The following PRM3 variants were observed in gnomAD, a reference collection of about 807,000 sequenced individuals.
The protein encoded by PRM3 is protamine-3.
For synonymous variants in PRM3, 72 were observed against 58.2 expected (o/e 1.24, Z -1.08); for missense variants, 160 against 133.1 (o/e 1.20, Z -0.99).
rs1208709945 is a variant in PRM3, at chr16:11,273,528, C to T, written c.68G>A (p.Gly23Asp). ...SPGHSPGHST[G>D]HGRGHESSMK... ...GGAGGATTCGTGGCCCCGGCCATGG[C>T]CCGTGCTGTGGCCTGGGCTGTGGCC... is the stretch of plus-strand genomic sequence containing the variant. Residue 23 changes from glycine to aspartate, a missense_variant, in exon 1 of 1, where the codon GGC (glycine) becomes GAC (aspartate). Transcript: ENST00000327157. 7 of 1,610,744 alleles carry T rather than the reference C, an allele frequency of 4.3e-6. No homozygotes were observed. The African/African-American group carries it at 8.0e-5, about 18-fold the overall frequency.
chr16:11,273,428 CTCT>C lies in PRM3; in HGVS notation c.165_167del (p.Glu59del). On this transcript the variant is annotated inframe_deletion, in exon 1 of 1. Transcript: ENST00000327157. The stretch of plus-strand genomic sequence containing the variant: ...TCTCCTCCTCTTCCCCCTCCTCCTC[CTCT>C]TCCTCCTCTTCCTCGCCCGCTGATG... 1 of 1,553,502 alleles carries C rather than the reference CTCT, an allele frequency of 6.4e-7. No individual in the cohort carries two copies. The highest frequency in any genetic ancestry group is 8.7e-7 in the Non-Finnish European group (1 of 1,149,186).
In PRM3 at chr16:11,273,393, A is replaced by C. The variant is rs917015601; in HGVS notation, c.203T>G (p.Leu68Arg). The C allele has an allele frequency of 6.5e-7, 1 of 1,547,304 alleles. No individual in the cohort carries two copies. Among genetic ancestry groups the C allele is most frequent in the African/African-American group, 1.4e-5 (1 of 73,170 alleles). ...CAGCAGCAGCTTGCCCTGCACCGGC[A>C]GCTCTTCTTTCTCCTCCTCTTCCCC... ...EEGEEEEKEE[L>R]PVQGKLLLLE... The change falls in exon 1 of 1, where the codon CTG becomes CGG. Residue 68 changes from leucine (L) to arginine (R), a missense_variant. Leu to Arg is a moderately radical substitution (Grantham distance 102). Coordinates refer to ENST00000327157, the MANE Select transcript of PRM3 (RefSeq NM_021247.3).
In PRM3 at chr16:11,273,625, G is replaced by A; in HGVS notation, c.-30C>T. On this transcript the variant is annotated 5_prime_UTR_variant, in exon 1 of 1. Coordinates refer to ENST00000327157, the MANE Select transcript of PRM3 (RefSeq NM_021247.3). ...TACGTTGCCTGTCTCTCTGGGCAAGGAGGTGAGGCGGTGGGTGAAGGGGCT... is the reference window on the plus strand; with the variant it reads ...TACGTTGCCTGTCTCTCTGGGCAAGAAGGTGAGGCGGTGGGTGAAGGGGCT... 6.4e-7 allele frequency: 1 copy of A among 1,553,764 alleles called. No individual in the cohort carries two copies. Among genetic ancestry groups the A allele is most frequent in the Non-Finnish European group, 8.7e-7 (1 of 1,150,332 alleles).
In PRM3 at chr16:11,273,381, C is replaced by T. The variant is rs952517713; in HGVS notation, c.215G>A (p.Gly72Asp). 5 of 1,545,982 alleles carry T rather than the reference C, an allele frequency of 3.2e-6. No individual in the cohort carries two copies. Among genetic ancestry groups the T allele is most frequent in the Admixed American group, 2.0e-5 (1 of 51,018 alleles). ...EEEKEELPVQ[G>D]KLLLLEPERQ... ...CTCAGGCTCCAGCAGCAGCAGCTTGCCCTGCACCGGCAGCTCTTCTTTCTC... is the reference window on the plus strand; with the variant it reads ...CTCAGGCTCCAGCAGCAGCAGCTTGTCCTGCACCGGCAGCTCTTCTTTCTC... Residue 72 changes from glycine (G) to aspartate (D), a missense_variant, in exon 1 of 1, where the codon GGC (glycine) becomes GAC (aspartate). Coordinates refer to ENST00000327157, the MANE Select transcript of PRM3 (RefSeq NM_021247.3).
chr16:11,273,618 G>T lies in PRM3; in HGVS notation c.-23C>A. The T allele has an allele frequency of 6.4e-7, 1 of 1,567,064 alleles. No individual in the cohort carries two copies. The stretch of plus-strand genomic sequence containing the variant: ...CATGGTCTACGTTGCCTGTCTCTCT[G>T]GGCAAGGAGGTGAGGCGGTGGGTGA... On this transcript the variant is annotated 5_prime_UTR_variant, in exon 1 of 1. Coordinates refer to ENST00000327157, the MANE Select transcript of PRM3 (RefSeq NM_021247.3).
chr16:11,273,422 C>CTCCTCCTCTTCCCCCTCT lies in PRM3; in HGVS notation c.173_174insAGAGGGGGAAGAGGAGGA (p.Glu59_Glu64dup), dbSNP rs1567462391. The stretch of plus-strand genomic sequence containing the variant: ...CTTCTTTCTCCTCCTCTTCCCCCTC[C>CTCCTCCTCTTCCCCCTCT]TCCTCCTCTTCCTCCTCTTCCTCGC... On this transcript the variant is annotated inframe_insertion, in exon 1 of 1. Transcript: ENST00000327157. The CTCCTCCTCTTCCCCCTCT allele has an allele frequency of 6.4e-7, 1 of 1,552,892 alleles. No homozygotes were observed. The highest frequency in any genetic ancestry group is 2.0e-5 in the Admixed American group (1 of 51,234).
At position 11,273,282 on chromosome 16, in the gene PRM3, G is replaced by A; in HGVS notation, c.*2C>T. Reference sequence around the variant, plus strand: ...CGTCCCTTCCTGGGCCTTCGTTGCGGGTCAGGAGGGTGTCCGCTTGGGCTC... The same window carrying A: ...CGTCCCTTCCTGGGCCTTCGTTGCGAGTCAGGAGGGTGTCCGCTTGGGCTC... On this transcript the variant is annotated 3_prime_UTR_variant, in exon 1 of 1. Transcript: ENST00000327157. The A allele has an allele frequency of 1.3e-6, 2 of 1,537,458 alleles. No individual in the cohort carries two copies. Among genetic ancestry groups the A allele is most frequent in the Non-Finnish European group, 1.8e-6 (2 of 1,141,294 alleles).
chr16:11,273,508 A>G lies in PRM3; in HGVS notation c.88T>C (p.Ser30Pro). 1.9e-6 allele frequency: 3 copies of G among 1,610,064 alleles called. No individual in the cohort carries two copies. Among genetic ancestry groups the G allele is most frequent in the East Asian group, 2.2e-5 (1 of 44,842 alleles). Residue 30 changes from serine to proline, a missense_variant, in exon 1 of 1, where the codon TCC becomes CCC. By Grantham distance (74) the Ser-to-Pro change is moderately conservative. Coordinates refer to ENST00000327157, the MANE Select transcript of PRM3 (RefSeq NM_021247.3). ...HSTGHGRGHESSMKKLMACVS... is the reference protein window; with the variant it reads ...HSTGHGRGHEPSMKKLMACVS... ...CAGGCCATGAGCTTTTTCATGGAGG[A>G]TTCGTGGCCCCGGCCATGGCCCGTG...
rs2069804626 is a variant in PRM3, at chr16:11,273,311, G to A, written c.285C>T (p.Ser95=). Residue 95 remains serine, a synonymous_variant, in exon 1 of 1, where the codon AGC becomes AGT. Coordinates refer to ENST00000327157, the MANE Select transcript of PRM3 (RefSeq NM_021247.3). ...GHKDNAEAQQ[S]PEPKRTPS ...AGGAGGGTGTCCGCTTGGGCTCGGG[G>A]CTCTGCTGGGCCTCGGCGTTGTCCT... 1.3e-6 allele frequency: 2 copies of A among 1,544,038 alleles called. No homozygotes were observed. Among genetic ancestry groups the A allele is most frequent in the Non-Finnish European group, 1.7e-6 (2 of 1,145,732 alleles).
rs904410058 is a variant in PRM3, at chr16:11,273,431, T to C, written c.165A>G (p.Glu55=). Residue 55 remains glutamate (E), a synonymous_variant, in exon 1 of 1, where the codon GAA becomes GAG. Transcript: ENST00000327157. The part of the protein sequence containing the change: ...SLSSAGEEEE[E]EEEEGEEEEK... ...CCTCCTCTTCCCCCTCCTCCTCCTC[T>C]TCCTCCTCTTCCTCGCCCGCTGATG... 6.4e-7 allele frequency: 1 copy of C among 1,554,180 alleles called. No individual in the cohort carries two copies. The highest frequency in any genetic ancestry group is 1.9e-5 in the Admixed American group (1 of 51,322).
Position 11,273,421 on chromosome 16 carries a change from C to A in PRM3, c.175G>T (p.Glu59Ter). Residue 59 changes from glutamate (E) to a stop codon, truncating the protein, a stop_gained, in exon 1 of 1, where the codon GAG becomes TAG. Coordinates refer to ENST00000327157, the MANE Select transcript of PRM3 (RefSeq NM_021247.3). LOFTEE classifies it low-confidence loss of function (END_TRUNC). ...AGEEEEEEEE[E>*]GEEEEKEELP... is the part of the protein sequence containing the mutation. ...TCTTCTTTCTCCTCCTCTTCCCCCT[C>A]CTCCTCCTCTTCCTCCTCTTCCTCG... The A allele has an allele frequency of 6.4e-7, 1 of 1,552,510 alleles. No homozygotes were observed. Among genetic ancestry groups the A allele is most frequent in the Non-Finnish European group, 8.7e-7 (1 of 1,148,902 alleles).
chr16:11,273,450 G>A lies in PRM3; in HGVS notation c.146C>T (p.Ala49Val), dbSNP rs756977444. 3.6e-5 allele frequency: 57 copies of A among 1,565,974 alleles called. No individual in the cohort carries two copies. Among genetic ancestry groups the A allele is most frequent in the Middle Eastern group, 1.7e-4 (1 of 6,030 alleles). Residue 49 changes from alanine (A) to valine (V), a missense_variant, in exon 1 of 1, where the codon GCG becomes GTG. Ala to Val is a moderately conservative substitution (Grantham distance 64). Coordinates refer to ENST00000327157, the MANE Select transcript of PRM3 (RefSeq NM_021247.3). ...VSQDNFSLSS[A>V]GEEEEEEEEE... ...CTCCTCTTCCTCCTCTTCCTCGCCC[G>A]CTGATGACAAGGAGAAGTTATCCTG...
At position 11,273,585 on chromosome 16, in the gene PRM3, C is replaced by T. The variant is rs769145992; in HGVS notation, c.11G>A (p.Arg4His). ...CTGGCCTGTGTTGAGCTTGGCACAGCGGGAACCCATGGTCTACGTTGCCTG... is the reference window on the plus strand; with the variant it reads ...CTGGCCTGTGTTGAGCTTGGCACAGTGGGAACCCATGGTCTACGTTGCCTG... The part of the protein sequence containing the change: MGS[R>H]CAKLNTGQSP... The change falls in exon 1 of 1, where the codon CGC (arginine) becomes CAC (histidine). Residue 4 changes from arginine to histidine, a missense_variant. Physicochemically the swap from Arg to His is conservative, Grantham distance 29. Transcript: ENST00000327157. 2.1e-5 allele frequency: 34 copies of T among 1,591,954 alleles called. 1 individual carries two copies. The highest frequency in any genetic ancestry group is 3.5e-4 in the Middle Eastern group (2 of 5,712).
rs766697725 is a variant in PRM3 at position 11,273,417 on chromosome 16, CCCT to C, written c.176_178del (p.Glu59del). ...CAGCTCTTCTTTCTCCTCCTCTTCC[CCCT>C]CCTCCTCCTCTTCCTCCTCTTCCTC... On this transcript the variant is annotated inframe_deletion, in exon 1 of 1. Coordinates refer to ENST00000327157, the MANE Select transcript of PRM3 (RefSeq NM_021247.3). 15 of 1,551,290 alleles carry C rather than the reference CCCT, an allele frequency of 9.7e-6. No homozygotes were observed. Among genetic ancestry groups the C allele is most frequent in the South Asian group, 4.7e-5 (4 of 84,340 alleles).
chr16:11,273,252 G>T lies in PRM3; in HGVS notation c.*32C>A. The T allele has an allele frequency of 6.6e-7, 1 of 1,506,628 alleles. No homozygotes were observed. The allele number at this position is 1,506,628 out of a possible 1,614,324, so 93.3% of individuals were successfully genotyped here. Reference sequence around the variant, plus strand: ...TCTGAACACTGTCGCCGGAGCAGCAGTGGGCGTCCCTTCCTGGGCCTTCGT... The same window carrying T: ...TCTGAACACTGTCGCCGGAGCAGCATTGGGCGTCCCTTCCTGGGCCTTCGT... On this transcript the variant is annotated 3_prime_UTR_variant, in exon 1 of 1. Transcript: ENST00000327157.
chr16:11,273,449 C>T lies in PRM3; in HGVS notation c.147G>A (p.Ala49=), dbSNP rs753268383. The change falls in exon 1 of 1, where the codon GCG becomes GCA. Residue 49 remains alanine, a synonymous_variant. Coordinates refer to ENST00000327157, the MANE Select transcript of PRM3 (RefSeq NM_021247.3). ...CCTCCTCTTCCTCCTCTTCCTCGCC[C>T]GCTGATGACAAGGAGAAGTTATCCT... ...VSQDNFSLSS[A]GEEEEEEEEE... is the part of the protein sequence containing the mutation. 1.8e-5 allele frequency: 28 copies of T among 1,564,846 alleles called. 1 individual carries two copies. The highest frequency in any genetic ancestry group is 4.7e-5 in the South Asian group (4 of 85,576).
Position 11,273,279 on chromosome 16 carries a change from G to T in PRM3, c.*5C>A. ...GGGCGTCCCTTCCTGGGCCTTCGTT[G>T]CGGGTCAGGAGGGTGTCCGCTTGGG... is the stretch of plus-strand genomic sequence containing the variant. On this transcript the variant is annotated 3_prime_UTR_variant, in exon 1 of 1. Coordinates refer to ENST00000327157, the MANE Select transcript of PRM3 (RefSeq NM_021247.3). 2 of 1,529,248 alleles carry T rather than the reference G, an allele frequency of 1.3e-6. No individual in the cohort carries two copies. The highest frequency in any genetic ancestry group is 2.4e-5 in the South Asian group (2 of 82,670). 94.7% of individuals were successfully genotyped at this position (1,529,248 alleles called of 1,614,324 possible).
chr16:11,273,481 C>A lies in PRM3; in HGVS notation c.115G>T (p.Val39Leu). 6.3e-7 allele frequency: 1 copy of A among 1,598,680 alleles called. No homozygotes were observed. The highest frequency in any genetic ancestry group is 1.1e-5 in the South Asian group (1 of 89,034). Residue 39 changes from valine (V) to leucine (L), a missense_variant, in exon 1 of 1, where the codon GTG (valine) becomes TTG (leucine). Coordinates refer to ENST00000327157, the MANE Select transcript of PRM3 (RefSeq NM_021247.3). ...GACAAGGAGAAGTTATCCTGACTCA[C>A]ACAGGCCATGAGCTTTTTCATGGAG... Reference protein sequence around the residue: ...ESSMKKLMACVSQDNFSLSSA... With the variant: ...ESSMKKLMACLSQDNFSLSSA...
chr16:11,273,530 C>G lies in PRM3; in HGVS notation c.66G>C (p.Thr22=). The G allele has an allele frequency of 1.2e-6, 2 of 1,609,422 alleles. No homozygotes were observed. Among genetic ancestry groups the G allele is most frequent in the Non-Finnish European group, 8.5e-7 (1 of 1,177,332 alleles). Residue 22 remains threonine, a synonymous_variant, in exon 1 of 1, where the codon ACG becomes ACC. Coordinates refer to ENST00000327157, the MANE Select transcript of PRM3 (RefSeq NM_021247.3). ...QSPGHSPGHS[T]GHGRGHESSM... ...AGGATTCGTGGCCCCGGCCATGGCC[C>G]GTGCTGTGGCCTGGGCTGTGGCCTG...
Sources: gnomAD v4.1 joint callset for allele counts on GRCh38, gnomAD v4.1.1 for gene constraint, MANE v1.5 for transcripts, NCBI Gene and HGNC (gene_info 2026-07-23, HGNC 2026-07-21) for gene names.